Variants in SRD5A2 observed in about 807,000 individuals in gnomAD.
SRD5A2 encodes 3-oxo-5-alpha-steroid 4-dehydrogenase 2.
Under a neutral mutation model 27.4 loss-of-function variants are expected in SRD5A2, and 30 were observed. The ratio of observed to expected loss-of-function variants is 1.10; its 90% CI spans 0.82 to 1.49. The LOEUF (loss-of-function observed/expected upper bound fraction) is 1.49. Among genes scored for constraint, SRD5A2 ranks in the 40% most tolerant of loss-of-function variants. SRD5A2 has a pLI of 0.00. For synonymous variants in SRD5A2, 141 were observed against 133.6 expected (o/e 1.06, Z -0.38); for missense variants, 348 against 323.4 (o/e 1.08, Z -0.58).
chr2:31,615,944 T>C, the SRD5A2 span, among the ~76,000 whole-genome samples: 7 of 151,972 alleles, frequency 4.6e-5, no homozygotes, highest in Non-Finnish European at 1.0e-4. Context: ...CAGGCCATGG[T>C]TTCAGAAGGT....
chr2:31,628,570 G>C, the SRD5A2 span, among the ~76,000 whole-genome samples: 2 of 152,128 alleles, frequency 1.3e-5, no homozygotes, highest in Non-Finnish European at 2.9e-5. Flanking sequence ...TAGTGTCACT[G>C]GTCTATGTAT....
At chr2:31,624,559 T>C in the SRD5A2 span, among the ~76,000 whole-genome samples, 16 of 151,832 alleles carry the variant, frequency 1.1e-4, no homozygotes, top group Admixed American at 1.1e-3. Flanking sequence ...ACCCTGTGTC[T>C]AAGTGTTCTC....
the SRD5A2 span, among the ~76,000 whole-genome samples, chr2:31,592,326 C>T: frequency 3.6e-4 from 55 of 152,298 alleles, 1 homozygote; most frequent in South Asian, 3.3e-3. Flanking sequence ...CCACCTACAA[C>T]ACCCTGGCTA....
chr2:31,543,497 A>T (rs1666179914), intron 1 of SRD5A2, among the ~76,000 whole-genome samples: 1 of 152,204 alleles, frequency 6.6e-6, no homozygotes, highest in African/African-American at 2.4e-5. Flanking sequence ...CTAAAAGTTA[A>T]TATCACTGAA....
intron 2 of SRD5A2, 35 bp from the exon 3 acceptor site, chr2:31,531,507 T>TA: frequency 7.3e-7 from 1 of 1,376,508 alleles, no homozygotes. Flanking sequence ...AAATTTTTTT[T>TA]AAATGTGTCC....
In SRD5A2 at chr2:31,522,998, T is replaced by C. The variant is rs892184161; in HGVS notation, c.*3198A>G. ...TTGTAAAACCACGGATTTATTTATTTGTTCCTGAAAGGGTCTAAGCCGCCT... is the reference window on the plus strand; with the variant it reads ...TTGTAAAACCACGGATTTATTTATTCGTTCCTGAAAGGGTCTAAGCCGCCT... On this transcript the variant is annotated 3_prime_UTR_variant, in exon 5 of 5. Transcript: ENST00000622030. The C allele has an allele frequency of 6.8e-5, 15 of 220,794 alleles. No individual in the cohort carries two copies. The South Asian group carries it at 2.0e-3, about 30-fold the overall frequency. 13.7% of individuals were successfully genotyped at this position (220,794 alleles called of 1,614,324 possible).
chr2:31,606,707 C>T, the SRD5A2 span, among the ~76,000 whole-genome samples: 1 of 151,928 alleles, frequency 6.6e-6, no homozygotes, highest in Non-Finnish European at 1.5e-5. Flanking sequence ...AAAAGTCAGG[C>T]TGATACTATG....
the SRD5A2 span, among the ~76,000 whole-genome samples, chr2:31,649,243 T>C: frequency 6.6e-6 from 1 of 152,324 alleles, no homozygotes; most frequent in East Asian, 1.9e-4. Flanking sequence ...GACTATTTTC[T>C]TTAGCTGCAC....
chr2:31,594,531 C>T, the SRD5A2 span, among the ~76,000 whole-genome samples: 1 of 152,152 alleles, frequency 6.6e-6, no homozygotes, highest in Non-Finnish European at 1.5e-5. Context: ...GCACCTAACA[C>T]TGGAGTTCCC....
the SRD5A2 span, among the ~76,000 whole-genome samples, chr2:31,590,954 T>G: frequency 6.6e-6 from 1 of 152,200 alleles, no homozygotes; most frequent in Admixed American, 6.5e-5. Flanking sequence ...ATTAAAGACT[T>G]AAATGTTAGA....
chr2:31,561,619 A>C (rs1666626436), intron 1 of SRD5A2, among the ~76,000 whole-genome samples: 1 of 152,120 alleles, frequency 6.6e-6, no homozygotes, highest in South Asian at 2.1e-4. Context: ...GAGACCTTGG[A>C]ACTGTCCACT....
intron 1 of SRD5A2, among the ~76,000 whole-genome samples, chr2:31,558,808 T>C (rs1464437872): frequency 6.6e-6 from 1 of 152,208 alleles, no homozygotes; most frequent in Non-Finnish European, 1.5e-5. Flanking sequence ...ATATAGTATA[T>C]GGTCTAGGTG....
At chr2:31,607,812 T>C in the SRD5A2 span, among the ~76,000 whole-genome samples, 2 of 152,020 alleles carry the variant, frequency 1.3e-5, no homozygotes, top group African/African-American at 2.4e-5. Flanking sequence ...CCAAAATTCA[T>C]ACACTGAAAT....
chr2:31,593,573 G>A, the SRD5A2 span, among the ~76,000 whole-genome samples: 1 of 152,132 alleles, frequency 6.6e-6, no homozygotes, highest in Non-Finnish European at 1.5e-5. Context: ...AATAATTGGT[G>A]TTCTTTGTTC....
At chr2:31,557,620 G>A (rs1310581853) in intron 1 of SRD5A2, among the ~76,000 whole-genome samples, 1 of 152,132 alleles carries the variant, frequency 6.6e-6, no homozygotes, top group Non-Finnish European at 1.5e-5. Context: ...AATGGAGATG[G>A]AGTAGGAATG....
intron 1 of SRD5A2, among the ~76,000 whole-genome samples, chr2:31,560,296 T>C (rs1281853179): frequency 1.3e-5 from 2 of 152,196 alleles, no homozygotes; most frequent in Non-Finnish European, 1.5e-5. Flanking sequence ...CTAGATAGAC[T>C]GTGGGGATGG....
intron 1 of SRD5A2, among the ~76,000 whole-genome samples, chr2:31,544,597 A>G (rs1458893543): frequency 1.3e-5 from 2 of 151,900 alleles, no homozygotes; most frequent in African/African-American, 4.8e-5. Context: ...GATTATATTA[A>G]AAACAAGGAA....
the SRD5A2 span, among the ~76,000 whole-genome samples, chr2:31,660,222 A>G: frequency 6.6e-6 from 1 of 152,160 alleles, no homozygotes; most frequent in Non-Finnish European, 1.5e-5. Flanking sequence ...CTTACTCATC[A>G]GATTGGCAAA....
chr2:31,606,015 G>C, the SRD5A2 span, among the ~76,000 whole-genome samples: 5 of 151,956 alleles, frequency 3.3e-5, no homozygotes, highest in Admixed American at 2.6e-4. Context: ...TGGAACTGGA[G>C]GTTATTATGT....
Sources: allele counts gnomAD v4.1 joint callset (sites outside exome capture counted in the v4.1 genomes callset), GRCh38; gene constraint gnomAD v4.1.1; transcripts MANE v1.5; gene names NCBI Gene and HGNC (gene_info 2026-07-23, HGNC 2026-07-21).